GGT5: variants seen among roughly 807,000 people sequenced by gnomAD.
GGT5 encodes the protein gamma-glutamyltransferase 5.
Under a neutral mutation model 58.1 loss-of-function variants are expected in GGT5, and 50 were observed. The observed-to-expected ratio is 0.86, with a 90% CI of 0.69 to 1.09. The LOEUF is 1.09. GGT5 is among the 50% of genes least tolerant of loss of function. The pLI is 0.00. For synonymous variants in GGT5, 370 were observed against 346.1 expected, an observed-to-expected ratio of 1.07 and a Z score of -0.77; for missense variants, 800 against 789.4, an observed-to-expected ratio of 1.01 and a Z score of -0.16.
chr22:24,222,301 C>G (rs1364711126), intron 11 of GGT5, among the ~76,000 whole-genome samples: 1 of 152,164 alleles, frequency 6.6e-6, no homozygotes, highest in Non-Finnish European at 1.5e-5. Flanking sequence ...GCCACATGGC[C>G]TGAGCTGCTG....
At chr22:24,237,703 G>A (rs372514404) in intron 1 of GGT5, among the ~76,000 whole-genome samples, 4 of 151,752 alleles carry the variant, frequency 2.6e-5, no homozygotes, top group Non-Finnish European at 4.4e-5. Context: ...CACCGCACCC[G>A]GCCTCTAACA....
At chr22:24,222,958 T>C (rs1324347618) in intron 11 of GGT5, among the ~76,000 whole-genome samples, 2 of 152,104 alleles carry the variant, frequency 1.3e-5, no homozygotes, top group East Asian at 3.9e-4. Flanking sequence ...GTGCCTGTAG[T>C]CCCAGCTACT....
chr22:24,226,549 C>G lies in GGT5; in HGVS notation c.1038+82G>C, dbSNP rs998295222. On this transcript the variant is annotated intron_variant, in intron 7 of 11. Transcript: ENST00000327365. The stretch of plus-strand genomic sequence containing the variant: ...TACATATCCCTCCAACTTCCCCCTA[C>G]CAGGCCTGACCCTCATTTCATGCCA... 32 of 1,449,802 alleles carry G rather than the reference C, an allele frequency of 2.2e-5. No individual in the cohort carries two copies. In the African/African-American group the frequency reaches 4.3e-4, roughly 20 times the overall value. 89.8% of individuals were successfully genotyped at this position (1,449,802 alleles called of 1,614,324 possible). A position where few individuals can be genotyped will look rare whatever the true frequency, so the allele number is the denominator to read the frequency against.
At chr22:24,231,667 G>C (rs1455807976) in intron 5 of GGT5, 137 bp from the exon 6 acceptor site, 5 of 902,162 alleles carry the variant, frequency 5.5e-6, no homozygotes, top group Non-Finnish European at 8.4e-6. Context: ...AGGTCTGTAG[G>C]CAGTGGCCTC....
At chr22:24,220,931 T>A (rs2047571958) in intron 11 of GGT5, among the ~76,000 whole-genome samples, 1 of 152,106 alleles carries the variant, frequency 6.6e-6, no homozygotes, top group African/African-American at 2.4e-5. Flanking sequence ...GTGCTTATAG[T>A]CCCAGCTACT....
intron 2 of GGT5, 113 bp downstream of exon 2, chr22:24,233,761 G>A: frequency 1.0e-5 from 11 of 1,102,458 alleles, no homozygotes; most frequent in South Asian, 5.6e-5. Flanking sequence ...GCAGGGCAGG[G>A]GGCCCAAGAA....
chr22:24,224,221 G>A (rs2047681865), intron 11 of GGT5, among the ~76,000 whole-genome samples: 1 of 151,468 alleles, frequency 6.6e-6, no homozygotes, highest in African/African-American at 2.4e-5. Flanking sequence ...CAAAAAAAAT[G>A]TTTGTAGGCT....
chr22:24,238,006 T>A (rs1328298769), intron 1 of GGT5, among the ~76,000 whole-genome samples: 1 of 151,622 alleles, frequency 6.6e-6, no homozygotes, highest in African/African-American at 2.4e-5. Flanking sequence ...GGTGGGTAGG[T>A]CACCTGAGGT....
chr22:24,232,727 G>T, intron 4 of GGT5, 96 bp downstream of exon 4: 1 of 825,318 alleles, frequency 1.2e-6, no homozygotes, highest in Non-Finnish European at 1.8e-6. Context: ...CAATCCTCCA[G>T]TGTAAGAGGG....
intron 11 of GGT5, among the ~76,000 whole-genome samples, chr22:24,223,098 GAA>G (rs1055394864): frequency 7.1e-6 from 1 of 139,940 alleles, no homozygotes; most frequent in African/African-American, 2.7e-5. Flanking sequence ...TCAAAAAAAA[GAA>G]AAAAAAAGAG....
At position 24,226,642 on chromosome 22, in the gene GGT5, G is replaced by C; in HGVS notation, c.1027C>G (p.Pro343Ala). Residue 343 changes from proline (P) to alanine (A), a missense_variant, in exon 7 of 12, where the codon CCG (proline) becomes GCG (alanine). Pro to Ala is a conservative substitution (Grantham distance 27, BLOSUM62 -1). Coordinates refer to ENST00000327365, the MANE Select transcript of GGT5 (RefSeq NM_004121.5). Reference sequence around the variant, plus strand: ...CTCAGCAACCTCACCTGGAGCTTCGGGTGGCTTCGAGGGTCCCCCAGCCTC... The same window carrying C: ...CTCAGCAACCTCACCTGGAGCTTCGCGTGGCTTCGAGGGTCCCCCAGCCTC... ...RWRLGDPRSHPKLQNASRDLL... is the reference protein window; with the variant it reads ...RWRLGDPRSHAKLQNASRDLL... 6.2e-7 allele frequency: 1 copy of C among 1,614,056 alleles called. No individual in the cohort carries two copies. Among genetic ancestry groups the C allele is most frequent in the African/African-American group, 1.3e-5 (1 of 75,036 alleles).
intron 4 of GGT5, 68 bp from the exon 5 acceptor site, chr22:24,232,276 C>T: frequency 1.0e-6 from 1 of 954,074 alleles, no homozygotes; most frequent in Non-Finnish European, 1.5e-6. Flanking sequence ...CCGGGGCTCT[C>T]ATGGGTGGAG....
Position 24,232,223 on chromosome 22 carries a change from G to GGGGC in GGT5, c.597-16_597-15insGCCC. 6 of 890,632 alleles carry GGGGC rather than the reference G, an allele frequency of 6.7e-6. No individual in the cohort carries two copies. The highest frequency in any genetic ancestry group is 1.0e-5 in the Non-Finnish European group (6 of 590,040). The allele number at this position is 890,632 out of a possible 1,614,324, so 55.2% of individuals were successfully genotyped here. On this transcript the variant is annotated splice_polypyrimidine_tract_variant and intron_variant, in intron 4 of 11. Transcript: ENST00000327365. ...AGAAGAGCTGGCTGGGGGGTGGGGG[G>GGGGC]AGCCTCAGGGTGGGGCCAGGTCCCA...
intron 6 of GGT5, among the ~76,000 whole-genome samples, chr22:24,228,073 A>AC (rs2047828381): frequency 1.2e-5 from 1 of 86,046 alleles, no homozygotes; most frequent in Admixed American, 1.4e-4. Context: ...AAAACAAAAC[A>AC]AAAAAAAAAA....
At chr22:24,240,590 G>A (rs1004593163) in intron 1 of GGT5, among the ~76,000 whole-genome samples, 4 of 151,464 alleles carry the variant, frequency 2.6e-5, no homozygotes, top group African/African-American at 7.3e-5. Flanking sequence ...CTAGCATCAT[G>A]CGATTCTCCC....
Position 24,225,309 on chromosome 22 carries a change from G to A in GGT5, c.1439C>T (p.Ala480Val), listed in dbSNP as rs1447825237. The A allele has an allele frequency of 1.2e-6, 2 of 1,613,962 alleles. No homozygotes were observed. Among genetic ancestry groups the A allele is most frequent in the Admixed American group, 1.7e-5 (1 of 59,996 alleles). ...SMVPSILINK[A>V]QGSKLVIGGA... ...GCCAATCACTAGCTTCGACCCCTGG[G>A]CTTTGTTGATCAAGATGGAGGGCAC... The change falls in exon 10 of 12, where the codon GCC (alanine) becomes GTC (valine). Residue 480 changes from alanine to valine, a missense_variant. Transcript: ENST00000327365.
rs769137673 is a variant in GGT5 at position 24,226,066 on chromosome 22, C to A, written c.1229+10G>T. 6.4e-7 allele frequency: 1 copy of A among 1,562,424 alleles called. No homozygotes were observed. Among genetic ancestry groups the A allele is most frequent in the Non-Finnish European group, 8.7e-7 (1 of 1,149,802 alleles). On this transcript the variant is annotated intron_variant, in intron 8 of 11. Coordinates refer to ENST00000327365, the MANE Select transcript of GGT5 (RefSeq NM_004121.5). ...GTGAAGCCATCCGCCTTCCCCCAGG[C>A]CCTACGCACGGTGTGTTGATGGTGC...
rs758774310 is a variant in GGT5, at chr22:24,224,340, T to G, written c.1614+656A>C. Among the ~76,000 whole-genome samples the G allele has an allele frequency of 2.0e-5, 3 of 151,890 alleles. No individual in the cohort carries two copies. The South Asian group carries it at 6.2e-4, about 32-fold the overall frequency. ...GCCTAGGCAACATGGTGAGAGACCC[T>G]GTTTCTACGAAAAACAAAAAAATAA... is the stretch of plus-strand genomic sequence containing the variant. On this transcript the variant is annotated intron_variant, in intron 11 of 11. Transcript: ENST00000327365.
Position 24,233,957 on chromosome 22 carries a change from G to A in GGT5, c.221C>T (p.Ala74Val), listed in dbSNP as rs372179983. 96 of 1,613,498 alleles carry A rather than the reference G, an allele frequency of 5.9e-5. No homozygotes were observed. Among genetic ancestry groups the A allele is most frequent in the Non-Finnish European group, 7.8e-5 (92 of 1,179,682 alleles). Residue 74 changes from alanine to valine, a missense_variant, in exon 2 of 12, where the codon GCT (alanine) becomes GTT (valine). Ala to Val is a moderately conservative substitution (Grantham distance 64). Transcript: ENST00000327365. ...QGSPVDATIA[A>V]LVCTSVVNPQ... ...GTTGACGACGCTGGTGCAGACCAGAGCCGCGATGGTGGCATCCACGGGTGA... is the reference window on the plus strand; with the variant it reads ...GTTGACGACGCTGGTGCAGACCAGAACCGCGATGGTGGCATCCACGGGTGA...
Sources: allele counts gnomAD v4.1 joint callset (sites outside exome capture counted in the v4.1 genomes callset), GRCh38; gene constraint gnomAD v4.1.1; transcripts MANE v1.5; gene names NCBI Gene and HGNC (gene_info 2026-07-23, HGNC 2026-07-21).